Variants in SEMA3A observed in about 807,000 individuals in gnomAD.
SEMA3A encodes the protein semaphorin 3A.
Under a neutral mutation model 97.9 loss-of-function variants are expected in SEMA3A, and 29 were observed. The observed-to-expected ratio is 0.30, with a 90% CI of 0.22 to 0.40. The LOEUF (loss-of-function observed/expected upper bound fraction) is 0.40, where lower values mean the gene tolerates loss of function less well. Ranked by LOEUF, SEMA3A falls within the 10% of genes least tolerant of loss-of-function variation. The pLI, the probability that SEMA3A is intolerant of heterozygous loss-of-function variation, is 1.00. For missense variants in SEMA3A, 763 were observed against 951.3 expected (o/e 0.80, Z 2.60); for synonymous variants, 321 against 323.7 (o/e 0.99, Z 0.09).
chr7:84,096,842 A>AT (rs367818735), intron 4 of SEMA3A, among the ~76,000 whole-genome samples: 1 of 148,728 alleles, frequency 6.7e-6, no homozygotes, highest in African/African-American at 2.5e-5. Context: ...AGTCACATAC[A>AT]TTTTTCCCAT....
intron 3 of SEMA3A, among the ~76,000 whole-genome samples, chr7:84,265,287 T>A (rs1799962484): frequency 6.6e-6 from 1 of 151,894 alleles, no homozygotes; most frequent in African/African-American, 2.4e-5. Context: ...TGGCATGATC[T>A]CTGCACCCAA....
At chr7:84,219,254 G>A (rs1267728901) in intron 3 of SEMA3A, among the ~76,000 whole-genome samples, 4 of 152,100 alleles carry the variant, frequency 2.6e-5, no homozygotes, top group Admixed American at 2.6e-4. Context: ...ATGAATATGT[G>A]CAGCCTGTCA....
rs1788415173 is a variant in SEMA3A at position 83,960,231 on chromosome 7, G to C, written c.*1140C>G. 6.6e-6 allele frequency: 1 copy of C among 152,006 alleles called. No homozygotes were observed. Among genetic ancestry groups the C allele is most frequent in the African/African-American group, 2.4e-5 (1 of 41,428 alleles). The allele number at this position is 152,006 out of a possible 1,614,324, so 9.4% of individuals were successfully genotyped here. On this transcript the variant is annotated 3_prime_UTR_variant, in exon 17 of 17. Coordinates refer to ENST00000265362, the MANE Select transcript of SEMA3A (RefSeq NM_006080.3). Reference sequence around the variant, plus strand: ...TCTCAAATATCATGCAGGGATTCAAGCACGGAATTAAGACACATTTTCTAT... The same window carrying C: ...TCTCAAATATCATGCAGGGATTCAACCACGGAATTAAGACACATTTTCTAT...
intron 3 of SEMA3A, among the ~76,000 whole-genome samples, chr7:84,280,198 C>T (rs1312639182): frequency 1.3e-4 from 20 of 152,112 alleles, no homozygotes; most frequent in Admixed American, 1.3e-3. Flanking sequence ...CACCAAGCCT[C>T]TTATTTTGAA....
intron 3 of SEMA3A, among the ~76,000 whole-genome samples, chr7:84,260,193 C>A (rs1799816087): frequency 6.6e-6 from 1 of 152,124 alleles, no homozygotes. Flanking sequence ...CTTCATAGAA[C>A]AAAATAAGTA....
intron 4 of SEMA3A, among the ~76,000 whole-genome samples, chr7:84,105,528 T>C (rs1795081766): frequency 6.6e-6 from 1 of 152,168 alleles, no homozygotes; most frequent in African/African-American, 2.4e-5. Flanking sequence ...CTATCATAAA[T>C]CTCAATCATG....
chr7:84,382,700 TCCAAAAAAAAAAAAA>T (rs1221355062), intron 1 of SEMA3A, among the ~76,000 whole-genome samples: 1 of 17,410 alleles, frequency 5.7e-5, no homozygotes, highest in Non-Finnish European at 9.6e-5. Flanking sequence ...CTACTAAAAA[TCCAAAAAAAAAAAAA>T]AAAAAAAAAA....
At chr7:84,337,970 G>T (rs1802077707) in intron 2 of SEMA3A, among the ~76,000 whole-genome samples, 1 of 151,998 alleles carries the variant, frequency 6.6e-6, no homozygotes, top group Admixed American at 6.6e-5. Flanking sequence ...GGGACAGAAA[G>T]TCTTATCAAA....
At chr7:84,218,338 T>C (rs1038431209) in intron 3 of SEMA3A, among the ~76,000 whole-genome samples, 1 of 152,000 alleles carries the variant, frequency 6.6e-6, no homozygotes, top group African/African-American at 2.4e-5. Flanking sequence ...CTAAGTTGCA[T>C]ATAGTACTTC....
intron 2 of SEMA3A, among the ~76,000 whole-genome samples, chr7:84,322,514 T>C (rs1188862378): frequency 2.6e-5 from 4 of 151,970 alleles, no homozygotes; most frequent in African/African-American, 4.8e-5. Flanking sequence ...TCTCTGGTAG[T>C]AGTGAATAAG....
At chr7:84,419,601 T>A (rs1256257632) in intron 1 of SEMA3A, among the ~76,000 whole-genome samples, 1 of 150,190 alleles carries the variant, frequency 6.7e-6, no homozygotes, top group Non-Finnish European at 1.5e-5. Flanking sequence ...TGGGGGAGAG[T>A]TTCCTTGGGA....
chr7:84,382,033 CAAG>C (rs1409381924), intron 1 of SEMA3A, among the ~76,000 whole-genome samples: 1 of 152,122 alleles, frequency 6.6e-6, no homozygotes, highest in African/African-American at 2.4e-5. Flanking sequence ...ATGACAATTT[CAAG>C]AAGGACTGGC....
intron 2 of SEMA3A, among the ~76,000 whole-genome samples, chr7:84,334,334 C>T (rs1801981169): frequency 6.6e-6 from 1 of 151,952 alleles, no homozygotes. Context: ...TCTCTATGTT[C>T]ATAATCTATA....
intron 4 of SEMA3A, among the ~76,000 whole-genome samples, chr7:84,076,020 G>A (rs1793933920): frequency 6.6e-6 from 1 of 152,094 alleles, no homozygotes; most frequent in Non-Finnish European, 1.5e-5. Flanking sequence ...TCTTATCTAT[G>A]TAATGGAAAT....
At chr7:84,246,010 C>A (rs1179511374) in intron 3 of SEMA3A, among the ~76,000 whole-genome samples, 1 of 152,204 alleles carries the variant, frequency 6.6e-6, no homozygotes, top group South Asian at 2.1e-4. Context: ...TATCTGTAAA[C>A]CCCTGACTGG....
intron 6 of SEMA3A, among the ~76,000 whole-genome samples, chr7:84,039,142 A>G (rs1394760681): frequency 6.6e-6 from 1 of 152,174 alleles, no homozygotes; most frequent in South Asian, 2.1e-4. Context: ...CACAGTTAAC[A>G]TGAGCATTTA....
At chr7:84,072,476 G>A (rs1275523461) in intron 4 of SEMA3A, among the ~76,000 whole-genome samples, 1 of 152,086 alleles carries the variant, frequency 6.6e-6, no homozygotes, top group East Asian at 1.9e-4. Flanking sequence ...GAGGAAACTG[G>A]AGAAGCTGCT....
chr7:84,198,354 G>A (rs1258006751), upstream of SEMA3A, among the ~76,000 whole-genome samples: 1 of 151,626 alleles, frequency 6.6e-6, no homozygotes, highest in Non-Finnish European at 1.5e-5. Flanking sequence ...TGCCACCACA[G>A]CCAGCTAATT....
At chr7:84,270,082 A>T (rs1269372226) in intron 3 of SEMA3A, among the ~76,000 whole-genome samples, 5 of 152,194 alleles carry the variant, frequency 3.3e-5, no homozygotes, top group South Asian at 2.1e-4. Flanking sequence ...GTATCCCCTG[A>T]GGTAAGATCA....
Sources: gnomAD v4.1 joint callset for allele counts (sites outside exome capture counted in the v4.1 genomes callset) on GRCh38, gnomAD v4.1.1 for gene constraint, MANE v1.5 for transcripts, NCBI Gene and HGNC (gene_info 2026-07-23, HGNC 2026-07-21) for gene names.